The following RANBP2 variants were observed in gnomAD, a reference collection of about 807,000 sequenced individuals.
RANBP2 encodes E3 SUMO-protein ligase RanBP2.
In RANBP2, 57 loss-of-function variants were observed where a neutral mutation model predicts 303.6. The observed-to-expected ratio is 0.19, with a 90% CI of 0.15 to 0.23. RANBP2 has a LOEUF of 0.23. Ranked by LOEUF, RANBP2 falls within the 10% of genes least tolerant of loss-of-function variation. The pLI, the probability that RANBP2 is intolerant of heterozygous loss-of-function variation, is 1.00. For missense variants in RANBP2, 3,138 were observed against 3,780.8 expected, an observed-to-expected ratio of 0.83 and a Z score of 4.46; for synonymous variants, 1,167 against 1,301.5, an observed-to-expected ratio of 0.90 and a Z score of 2.23.
At chr2:109,740,532 C>T in the RANBP2 span, among the ~76,000 whole-genome samples, 321 of 146,384 alleles carry the variant, frequency 2.2e-3, no homozygotes, top group South Asian at 8.7e-3. Flanking sequence ...TTCTCCAGCT[C>T]ACATGAAATA....
chr2:109,363,202 TC>T, the RANBP2 span, among the ~76,000 whole-genome samples: 12 of 152,138 alleles, frequency 7.9e-5, no homozygotes, highest in African/African-American at 2.9e-4. Flanking sequence ...TTCTATTTTC[TC>T]TCCTTTATTA....
the RANBP2 span, among the ~76,000 whole-genome samples, chr2:109,588,223 G>T: frequency 2.0e-5 from 3 of 152,066 alleles, no homozygotes; most frequent in African/African-American, 7.2e-5. Context: ...CTGCCAGTTG[G>T]CCCACAGTAT....
the RANBP2 span, among the ~76,000 whole-genome samples, chr2:108,860,031 T>C: frequency 6.6e-6 from 1 of 152,188 alleles, no homozygotes; most frequent in Non-Finnish European, 1.5e-5. Flanking sequence ...CCTGGTTAGA[T>C]GTATTCCTAA....
chr2:109,277,800 C>G, the RANBP2 span, among the ~76,000 whole-genome samples: 1 of 152,118 alleles, frequency 6.6e-6, no homozygotes, highest in African/African-American at 2.4e-5. Context: ...GTTCTTATAC[C>G]TGGCAGTCTT....
chr2:108,755,254 A>C lies in RANBP2; in HGVS notation c.2461A>C (p.Ile821Leu). The change falls in exon 17 of 29, where the codon ATT becomes CTT. Residue 821 changes from isoleucine (I) to leucine (L), a missense_variant. By Grantham distance (5) the Ile-to-Leu change is conservative. Around this residue, in one of 20 missense-constraint regions of RANBP2, gnomAD observed 194 missense variants for 197.4 expected, o/e 0.98. Transcript: ENST00000283195. ...LKMICQQVEA[I>L]KKEMQELKLN... is the part of the protein sequence containing the mutation. ...AATGATTTGCCAACAAGTAGAGGCC[A>C]TTAAGGTAAGTCACTTAATTTCTCT... 6.2e-7 allele frequency: 1 copy of C among 1,611,908 alleles called. No homozygotes were observed. The highest frequency in any genetic ancestry group is 8.5e-7 in the Non-Finnish European group (1 of 1,179,830).
At chr2:109,042,000 C>T in the RANBP2 span, among the ~76,000 whole-genome samples, 19 of 152,132 alleles carry the variant, frequency 1.2e-4, no homozygotes, top group Middle Eastern at 3.4e-3. Flanking sequence ...ACTTATGATA[C>T]GTTTTTATCT....
the RANBP2 span, among the ~76,000 whole-genome samples, chr2:109,603,747 CAG>C: frequency 6.6e-6 from 1 of 152,104 alleles, no homozygotes; most frequent in African/African-American, 2.4e-5. Context: ...AAGGCTTGAG[CAG>C]AGACTTGATG....
the RANBP2 span, among the ~76,000 whole-genome samples, chr2:109,507,796 C>A: frequency 6.6e-6 from 1 of 152,218 alleles, no homozygotes; most frequent in Non-Finnish European, 1.5e-5. Context: ...CTTGACTCAA[C>A]TGAAAAGCTG....
chr2:109,082,369 T>C, the RANBP2 span, among the ~76,000 whole-genome samples: 20 of 152,060 alleles, frequency 1.3e-4, no homozygotes, highest in East Asian at 3.5e-3. Context: ...GGTGCTATCT[T>C]GGCTCACTGC....
chr2:109,361,053 A>G, the RANBP2 span, among the ~76,000 whole-genome samples: 40 of 152,166 alleles, frequency 2.6e-4, no homozygotes, highest in Non-Finnish European at 4.6e-4. Context: ...GGATTTTGTT[A>G]AAAGCTTTTT....
At chr2:108,755,516 C>T (rs1464015760) in intron 17 of RANBP2, among the ~76,000 whole-genome samples, 16 of 151,858 alleles carry the variant, frequency 1.1e-4, no homozygotes, top group Non-Finnish European at 2.9e-5. Flanking sequence ...CAGCCTGCCA[C>T]GAAGCCAGGA....
At chr2:109,209,900 C>A in the RANBP2 span, among the ~76,000 whole-genome samples, 3 of 152,124 alleles carry the variant, frequency 2.0e-5, no homozygotes, top group Non-Finnish European at 4.4e-5. Flanking sequence ...GTACGTCCCC[C>A]CTGTTTTGTA....
chr2:109,195,141 AG>A, the RANBP2 span, among the ~76,000 whole-genome samples: 1 of 152,224 alleles, frequency 6.6e-6, no homozygotes. Flanking sequence ...AAAAACTAAT[AG>A]GAAAAAAAGG....
the RANBP2 span, among the ~76,000 whole-genome samples, chr2:109,054,499 G>A: frequency 6.6e-6 from 1 of 152,144 alleles, no homozygotes; most frequent in Admixed American, 6.5e-5. Context: ...GAGGTCAAGA[G>A]ATTGAGACCA....
At chr2:109,085,545 C>T in the RANBP2 span, among the ~76,000 whole-genome samples, 30 of 151,254 alleles carry the variant, frequency 2.0e-4, no homozygotes, top group African/African-American at 4.9e-4. Context: ...CCTCGTGATC[C>T]GCCTGCCTCA....
the RANBP2 span, among the ~76,000 whole-genome samples, chr2:109,525,427 G>A: frequency 0.2 from 29,728 of 152,134 alleles, 3,521 homozygotes; most frequent in Non-Finnish European, 0.27. Context: ...GCCTCCCAAA[G>A]TGCTGGGATT....
the RANBP2 span, among the ~76,000 whole-genome samples, chr2:109,584,304 C>CT: frequency 9.3e-5 from 14 of 150,858 alleles, no homozygotes; most frequent in South Asian, 1.1e-3. Flanking sequence ...AGGTGAAACC[C>CT]GTCTCTACTA....
At chr2:109,572,620 T>C in the RANBP2 span, among the ~76,000 whole-genome samples, 2 of 140,382 alleles carry the variant, frequency 1.4e-5, no homozygotes, top group Admixed American at 1.4e-4. Flanking sequence ...TTTTTTTTTT[T>C]TTTTTTTTTT....
the RANBP2 span, among the ~76,000 whole-genome samples, chr2:109,231,344 A>G: frequency 2.6e-5 from 4 of 152,248 alleles, no homozygotes; most frequent in South Asian, 4.1e-4. Flanking sequence ...ACAATAAAAA[A>G]TAACTCCCCT....
Sources: allele counts gnomAD v4.1 joint callset (sites outside exome capture counted in the v4.1 genomes callset), GRCh38; gene constraint gnomAD v4.1.1; regional missense constraint gnomAD v4.1.1; transcripts MANE v1.5; gene names NCBI Gene and HGNC (gene_info 2026-07-23, HGNC 2026-07-21).